Variants in CAST observed in about 807,000 individuals in gnomAD.
The protein encoded by CAST is MIR583 host.
Under a neutral mutation model 119.6 loss-of-function variants are expected in CAST, and 76 were observed. The observed-to-expected ratio is 0.64, with a 90% CI of 0.53 to 0.77. The LOEUF (loss-of-function observed/expected upper bound fraction) is 0.77, where lower values mean the gene tolerates loss of function less well. Among genes scored for constraint, CAST ranks in the 30% least tolerant of loss-of-function variants. The pLI, the probability that CAST is intolerant of heterozygous loss-of-function variation, is 0.00. For missense variants in CAST, 953 were observed against 946.5 expected (o/e 1.01, Z -0.09); for synonymous variants, 319 against 331.6 (o/e 0.96, Z 0.41).
chr5:96,319,559 G>A, the CAST span, among the ~76,000 whole-genome samples: 1 of 152,154 alleles, frequency 6.6e-6, no homozygotes, highest in African/African-American at 2.4e-5. Flanking sequence ...TGAATAGTAA[G>A]ACCAATCCTA....
the CAST span, among the ~76,000 whole-genome samples, chr5:96,367,226 CTG>C: frequency 1.3e-5 from 2 of 152,286 alleles, no homozygotes; most frequent in South Asian, 2.1e-4. Flanking sequence ...AGGTGTCAGT[CTG>C]CCCCTACTGG....
intron 3 of CAST, among the ~76,000 whole-genome samples, chr5:96,720,072 C>G (rs1326314078): frequency 6.6e-6 from 1 of 152,148 alleles, no homozygotes; most frequent in African/African-American, 2.4e-5. Flanking sequence ...AGCTTTCATA[C>G]GGGCAGGGAC....
the CAST span, among the ~76,000 whole-genome samples, chr5:96,025,369 T>A: frequency 6.6e-6 from 1 of 152,246 alleles, no homozygotes; most frequent in Admixed American, 6.5e-5. Flanking sequence ...ATAAAGGCAC[T>A]AATCTTATTC....
chr5:96,028,370 GAAT>G, the CAST span, among the ~76,000 whole-genome samples: 1 of 151,732 alleles, frequency 6.6e-6, no homozygotes. Context: ...ATTCTTTAAA[GAAT>G]AATATTTTCA....
the CAST span, among the ~76,000 whole-genome samples, chr5:96,052,483 T>C: frequency 7.9e-5 from 12 of 152,202 alleles, no homozygotes; most frequent in African/African-American, 2.4e-4. Flanking sequence ...TGAAAGAATA[T>C]GTACATTTAG....
At chr5:96,022,734 C>G in the CAST span, among the ~76,000 whole-genome samples, 1 of 152,144 alleles carries the variant, frequency 6.6e-6, no homozygotes, top group African/African-American at 2.4e-5. Flanking sequence ...TGACTTCATA[C>G]GATTGTGGGG....
chr5:96,222,189 A>G, the CAST span, among the ~76,000 whole-genome samples: 2 of 152,144 alleles, frequency 1.3e-5, no homozygotes, highest in Non-Finnish European at 2.9e-5. Context: ...ACTTCAGGAC[A>G]TATGGTCTAG....
upstream of CAST, among the ~76,000 whole-genome samples, chr5:96,522,778 G>C (rs763549594): frequency 6.6e-6 from 1 of 152,066 alleles, no homozygotes; most frequent in East Asian, 1.9e-4. Flanking sequence ...TGTTCCACCC[G>C]AGAGAAATTA....
chr5:96,462,700 C>T, the CAST span, among the ~76,000 whole-genome samples: 1 of 152,088 alleles, frequency 6.6e-6, no homozygotes, highest in African/African-American at 2.4e-5. Context: ...TATGGTTTGG[C>T]TCTGTGTCCC....
At chr5:96,184,586 A>G in the CAST span, among the ~76,000 whole-genome samples, 1 of 150,842 alleles carries the variant, frequency 6.6e-6, no homozygotes, top group Non-Finnish European at 1.5e-5. Context: ...GCTCCTACTT[A>G]TAAGTGAGAA....
intron 1 of CAST, among the ~76,000 whole-genome samples, chr5:96,637,354 GC>G (rs1439144107): frequency 1.3e-5 from 2 of 152,166 alleles, no homozygotes; most frequent in African/African-American, 2.4e-5. Context: ...CAGAGGTTTA[GC>G]CCCAGAGCAC....
At chr5:96,000,826 G>C in the CAST span, among the ~76,000 whole-genome samples, 1 of 152,182 alleles carries the variant, frequency 6.6e-6, no homozygotes, top group Non-Finnish European at 1.5e-5. Flanking sequence ...AAAGAGTTCA[G>C]ATATTGATGT....
At chr5:96,212,978 G>T in the CAST span, among the ~76,000 whole-genome samples, 1 of 152,060 alleles carries the variant, frequency 6.6e-6, no homozygotes, top group Admixed American at 6.6e-5. Context: ...AATTAGCCGG[G>T]CATGGTGGTG....
chr5:96,343,587 C>T, the CAST span, among the ~76,000 whole-genome samples: 1 of 152,152 alleles, frequency 6.6e-6, no homozygotes, highest in Non-Finnish European at 1.5e-5. Context: ...TTTCATTTTG[C>T]TACTGAGAAA....
At chr5:96,360,519 G>T in the CAST span, among the ~76,000 whole-genome samples, 2 of 152,176 alleles carry the variant, frequency 1.3e-5, no homozygotes, top group South Asian at 4.1e-4. Flanking sequence ...TTTTGGTGTG[G>T]ACGTCCTTTT....
At chr5:96,607,955 T>C (rs1580843776) in intron 1 of CAST, among the ~76,000 whole-genome samples, 1 of 152,200 alleles carries the variant, frequency 6.6e-6, no homozygotes, top group South Asian at 2.1e-4. Context: ...CATTTCTTTG[T>C]GGTGAGAGCA....
At chr5:96,756,841 G>C (rs919866416) in intron 22 of CAST, among the ~76,000 whole-genome samples, 1 of 152,110 alleles carries the variant, frequency 6.6e-6, no homozygotes, top group African/African-American at 2.4e-5. Context: ...TCATTTTGTC[G>C]TGTTACTCAA....
At chr5:96,351,794 T>C in the CAST span, among the ~76,000 whole-genome samples, 1 of 152,126 alleles carries the variant, frequency 6.6e-6, no homozygotes, top group African/African-American at 2.4e-5. Context: ...GCTATAAAAA[T>C]GATCAAATAT....
the CAST span, among the ~76,000 whole-genome samples, chr5:96,475,502 C>T: frequency 6.6e-6 from 1 of 152,080 alleles, no homozygotes; most frequent in African/African-American, 2.4e-5. Flanking sequence ...GCTTTCAAGC[C>T]CAGCAGCTTT....
Sources: allele counts gnomAD v4.1 joint callset (sites outside exome capture counted in the v4.1 genomes callset), GRCh38; gene constraint gnomAD v4.1.1; transcripts MANE v1.5; gene names NCBI Gene and HGNC (gene_info 2026-07-23, HGNC 2026-07-21).